Variants in PRKN observed in about 807,000 individuals in gnomAD.
The protein encoded by PRKN is E3 ubiquitin-protein ligase parkin.
A neutral mutation model predicts 59.5 loss-of-function variants in PRKN; 56 were observed. That is an observed-to-expected ratio of 0.94 (90% confidence interval 0.76 to 1.18). The LOEUF (loss-of-function observed/expected upper bound fraction) is 1.18. PRKN is among the 50% of genes most tolerant of loss of function. PRKN has a pLI of 0.00. For missense variants in PRKN, 657 were observed against 596.4 expected (o/e 1.10, Z -1.06); for synonymous variants, 250 against 222.1 (o/e 1.13, Z -1.12).
intron 5 of PRKN, among the ~76,000 whole-genome samples, chr6:162,008,060 G>A (rs1331249565): frequency 6.6e-6 from 1 of 152,104 alleles, no homozygotes; most frequent in Non-Finnish European, 1.5e-5. Flanking sequence ...AAACTGCAAA[G>A]GGATAAGAGG....
rs1779948859 is a variant in PRKN, at chr6:162,262,767, T to C, written c.172-2A>G. On this transcript the variant is annotated splice_acceptor_variant, in intron 2 of 11. Coordinates refer to ENST00000366898, the MANE Select transcript of PRKN (RefSeq NM_004562.3). LOFTEE classifies it high-confidence loss of function. ...GCTCTGCTGATCCAGGTCACAATTCTGTTTGGGAGCAAGGTAAAAAAAAAA... is the reference window on the plus strand; with the variant it reads ...GCTCTGCTGATCCAGGTCACAATTCCGTTTGGGAGCAAGGTAAAAAAAAAA... 1 of 1,603,552 alleles carries C rather than the reference T, an allele frequency of 6.2e-7. No individual in the cohort carries two copies. Among genetic ancestry groups the C allele is most frequent in the South Asian group, 1.1e-5 (1 of 90,856 alleles).
At chr6:162,307,532 T>A (rs1361185916) in intron 2 of PRKN, among the ~76,000 whole-genome samples, 2 of 151,338 alleles carry the variant, frequency 1.3e-5, no homozygotes. Context: ...AAACTGGAAG[T>A]GGAAAATGCC....
intron 1 of PRKN, among the ~76,000 whole-genome samples, chr6:162,620,193 A>T (rs1782607095): frequency 6.6e-6 from 1 of 152,022 alleles, no homozygotes; most frequent in Non-Finnish European, 1.5e-5. Flanking sequence ...TCTCCTCAAC[A>T]GGTTATCATT....
At chr6:162,065,328 A>G (rs1235758460) in intron 4 of PRKN, among the ~76,000 whole-genome samples, 3 of 152,180 alleles carry the variant, frequency 2.0e-5, no homozygotes, top group Non-Finnish European at 4.4e-5. Flanking sequence ...CAAGGGCAGG[A>G]GGAATGAAAA....
intron 6 of PRKN, among the ~76,000 whole-genome samples, chr6:161,940,369 T>G (rs1375665392): frequency 6.6e-6 from 1 of 152,220 alleles, no homozygotes; most frequent in African/African-American, 2.4e-5. Flanking sequence ...ACAGAGCCAT[T>G]GAGACCACCT....
chr6:162,698,657 T>C (rs149308060), intron 1 of PRKN, among the ~76,000 whole-genome samples: 2 of 152,294 alleles, frequency 1.3e-5, no homozygotes, highest in African/African-American at 4.8e-5. Context: ...AACTGACTTC[T>C]ACAGCTCTCC....
chr6:161,537,736 C>G (rs1474295005), intron 9 of PRKN, among the ~76,000 whole-genome samples: 1 of 152,216 alleles, frequency 6.6e-6, no homozygotes, highest in African/African-American at 2.4e-5. Context: ...CAGGCGTGAG[C>G]CACTGCGCCC....
chr6:162,005,561 A>T (rs1443139932), intron 5 of PRKN, among the ~76,000 whole-genome samples: 1 of 148,464 alleles, frequency 6.7e-6, no homozygotes, highest in Non-Finnish European at 1.5e-5. Context: ...AAAAAAAAAA[A>T]GGAATGAAAC....
At chr6:161,917,187 C>A (rs1778599648) in intron 6 of PRKN, among the ~76,000 whole-genome samples, 1 of 151,922 alleles carries the variant, frequency 6.6e-6, no homozygotes, top group Non-Finnish European at 1.5e-5. Flanking sequence ...CTTACTGCAA[C>A]CTGCAGCTCC....
chr6:162,270,792 T>C (rs1368526693), intron 2 of PRKN: 3 of 152,170 alleles, frequency 2.0e-5, no homozygotes, highest in Non-Finnish European at 4.4e-5. Flanking sequence ...TGAACAATCT[T>C]GGCATTCTTT....
chr6:162,629,842 T>C (rs1381177257), intron 1 of PRKN, among the ~76,000 whole-genome samples: 4 of 152,190 alleles, frequency 2.6e-5, no homozygotes, highest in African/African-American at 9.6e-5. Context: ...GTTTTAAAAG[T>C]ATAATGACTG....
At chr6:162,249,847 A>AAACG (rs1779350044) in intron 3 of PRKN, among the ~76,000 whole-genome samples, 10 of 152,100 alleles carry the variant, frequency 6.6e-5, no homozygotes, top group Admixed American at 4.6e-4. Context: ...AAAACAAAAC[A>AAACG]AAACGAAACC....
At chr6:162,286,405 A>C (rs1369041002) in intron 2 of PRKN, among the ~76,000 whole-genome samples, 1 of 152,062 alleles carries the variant, frequency 6.6e-6, no homozygotes, top group Non-Finnish European at 1.5e-5. Context: ...CTCCTTCCTG[A>C]TAGTATGTAG....
intron 3 of PRKN, among the ~76,000 whole-genome samples, chr6:162,213,455 C>T (rs1274106613): frequency 6.6e-6 from 1 of 152,080 alleles, no homozygotes; most frequent in East Asian, 1.9e-4. Flanking sequence ...ATGCTGGGCA[C>T]AGTGGCTCAT....
At chr6:161,955,107 G>A (rs1780124194) in intron 6 of PRKN, among the ~76,000 whole-genome samples, 1 of 152,002 alleles carries the variant, frequency 6.6e-6, no homozygotes, top group African/African-American at 2.4e-5. Flanking sequence ...ATCATTCCTG[G>A]GTCAGCCCCA....
chr6:162,296,469 C>A (rs1338390071), intron 2 of PRKN, among the ~76,000 whole-genome samples: 1 of 152,056 alleles, frequency 6.6e-6, no homozygotes. Context: ...CTCCTTAACC[C>A]AGCTTCTGAA....
intron 2 of PRKN, among the ~76,000 whole-genome samples, chr6:162,284,594 G>C (rs1781096619): frequency 6.6e-6 from 1 of 152,116 alleles, no homozygotes; most frequent in Non-Finnish European, 1.5e-5. Context: ...CAATTCCACT[G>C]TAGTGACTTA....
At chr6:161,865,449 A>G (rs1794075372) in intron 6 of PRKN, among the ~76,000 whole-genome samples, 1 of 152,136 alleles carries the variant, frequency 6.6e-6, no homozygotes, top group Non-Finnish European at 1.5e-5. Flanking sequence ...TTTTTATCCA[A>G]CTATGAAAGT....
At position 161,423,411 on chromosome 6, in the gene PRKN, G is replaced by A. The variant is rs758675349; in HGVS notation, c.1084-36534C>T. On this transcript the variant is annotated intron_variant, in intron 9 of 11. Transcript: ENST00000366898. The surrounding 1 kb of genome is among the most constrained non-coding windows in gnomAD (Gnocchi z 5.9). ...GAGTACTGCGATGCAGTTACACGTCGTAACCACCTGAATTTTATGGGGGAA... is the reference window on the plus strand; with the variant it reads ...GAGTACTGCGATGCAGTTACACGTCATAACCACCTGAATTTTATGGGGGAA... Among the ~76,000 whole-genome samples the A allele has an allele frequency of 5.3e-5, 8 of 152,114 alleles. No individual in the cohort carries two copies. The South Asian group carries it at 1.0e-3, about 20-fold the overall frequency.
Sources: gnomAD v4.1 joint callset for allele counts (sites outside exome capture counted in the v4.1 genomes callset) on GRCh38, gnomAD v4.1.1 for gene constraint, Gnocchi (gnomAD v3.1) non-coding constraint, MANE v1.5 for transcripts, NCBI Gene and HGNC (gene_info 2026-07-23, HGNC 2026-07-21) for gene names.